ANO4: variants seen among roughly 807,000 people sequenced by gnomAD.
The protein encoded by ANO4 is anoctamin 4, also known as anoctamin-4.
ANO4 carries 69 observed loss-of-function variants against 141.9 expected under a neutral mutation model. That is an observed-to-expected ratio of 0.49 (90% CI 0.40 to 0.59). ANO4 has a LOEUF of 0.59. Among genes scored for constraint, ANO4 ranks in the 20% least tolerant of loss-of-function variants. The pLI is 0.00. For synonymous variants in ANO4, 350 were observed against 394.3 expected (o/e 0.89, Z 1.33); for missense variants, 894 against 1,162.2 (o/e 0.77, Z 3.36).
In ANO4 at chr12:101,127,967, C is replaced by CAGAT. The variant is rs1216435942; in HGVS notation, c.*113_*116dup. ...AAAAATGCAACCACAGTGCATGTTG[C>CAGAT]AGATACCGGCGGCCGCAGGAGGGGC... On this transcript the variant is annotated 3_prime_UTR_variant, in exon 28 of 28. Coordinates refer to ENST00000392977, the MANE Select transcript of ANO4 (RefSeq NM_001286615.2). 2 of 152,648 alleles carry CAGAT rather than the reference C, an allele frequency of 1.3e-5. No homozygotes were observed. Among genetic ancestry groups the CAGAT allele is most frequent in the East Asian group, 3.8e-4 (2 of 5,198 alleles). 9.5% of individuals were successfully genotyped at this position (152,648 alleles called of 1,614,324 possible). A position where few individuals can be genotyped will look rare whatever the true frequency, so the allele number is the denominator to read the frequency against.
Position 101,072,733 on chromosome 12 carries a change from C to A in ANO4, c.1313-6460C>A, listed in dbSNP as rs1374129796. On this transcript the variant is annotated intron_variant, in intron 14 of 27. Coordinates refer to ENST00000392977, the MANE Select transcript of ANO4 (RefSeq NM_001286615.2). The stretch of plus-strand genomic sequence containing the variant: ...ATCCAGAATCTACAAAGAATTTAAA[C>A]AAACTTACAAGGGAAAAAAAAACAT... Among the ~76,000 whole-genome samples the A allele has an allele frequency of 3.3e-5, 5 of 151,434 alleles. No homozygotes were observed. The East Asian group carries it at 5.8e-4, about 18-fold the overall frequency.
At chr12:100,977,629 TA>T (rs1286723349) in intron 7 of ANO4, among the ~76,000 whole-genome samples, 1 of 152,166 alleles carries the variant, frequency 6.6e-6, no homozygotes, top group African/African-American at 2.4e-5. Flanking sequence ...AAAGTCTATA[TA>T]TTACTCTTCA....
At chr12:100,906,606 AT>A in intron 2 of ANO4, among the ~76,000 whole-genome samples, 1 of 152,218 alleles carries the variant, frequency 6.6e-6, no homozygotes, top group Non-Finnish European at 1.5e-5. Flanking sequence ...AGAGGCCAAG[AT>A]GTGAAAATGA....
At chr12:100,791,882 T>G (rs892584050), upstream of ANO4, among the ~76,000 whole-genome samples, 1 of 152,222 alleles carries the variant, frequency 6.6e-6, no homozygotes, top group African/African-American at 2.4e-5. Context: ...CTCTGGCACA[T>G]GGTGGGGTTT....
chr12:100,937,715 G>A (rs780630568), intron 3 of ANO4, among the ~76,000 whole-genome samples: 5 of 152,132 alleles, frequency 3.3e-5, no homozygotes, highest in Admixed American at 6.5e-5. Flanking sequence ...GAGGTCAGAA[G>A]TCCCAAAATC....
rs75109334 is a variant in ANO4, at chr12:101,089,588, A to G, written c.1701+2764A>G. Among the ~76,000 whole-genome samples the G allele has an allele frequency of 8.9e-3, 1,358 of 152,332 alleles. 20 individuals carry two copies. Among genetic ancestry groups the G allele is most frequent in the African/African-American group, 0.031 (1,275 of 41,574 alleles). ...ATGTTTTGCATCCCATTAGGATGCAATGAATTAATGCCTACTATATTGTTA... is the reference window on the plus strand; with the variant it reads ...ATGTTTTGCATCCCATTAGGATGCAGTGAATTAATGCCTACTATATTGTTA... On this transcript the variant is annotated intron_variant, in intron 17 of 27. Transcript: ENST00000392977.
intron 13 of ANO4, 103 bp downstream of exon 13, chr12:101,043,738 AGT>A (rs2047509549): frequency 1.2e-6 from 1 of 828,590 alleles, no homozygotes; most frequent in African/African-American, 1.7e-5. Context: ...TTGATTTTCA[AGT>A]GAATGTTGTA....
chr12:100,980,039 C>T (rs1220724864), intron 7 of ANO4, among the ~76,000 whole-genome samples: 4 of 152,054 alleles, frequency 2.6e-5, no homozygotes, highest in Admixed American at 1.3e-4. Flanking sequence ...CACGCCCGGC[C>T]GAGAAATCCT....
chr12:100,813,931 G>A (rs1387983409), intron 1 of ANO4, among the ~76,000 whole-genome samples: 2 of 152,232 alleles, frequency 1.3e-5, no homozygotes. Flanking sequence ...TTTGGGCCAT[G>A]CGTGAGCAAA....
chr12:100,987,312 C>G (rs533159463), intron 7 of ANO4: 1 of 510,006 alleles, frequency 2.0e-6, no homozygotes, highest in African/African-American at 1.9e-5. Context: ...TAACTCACAG[C>G]TGCTATTTCA....
chr12:101,109,615 TAA>T (rs2050585733), intron 22 of ANO4, among the ~76,000 whole-genome samples: 2 of 152,152 alleles, frequency 1.3e-5, no homozygotes, highest in Non-Finnish European at 2.9e-5. Flanking sequence ...GTTCCTCTGC[TAA>T]AAAGTTTCTG....
chr12:101,116,230 A>T (rs747891081), intron 24 of ANO4, among the ~76,000 whole-genome samples: 2 of 152,208 alleles, frequency 1.3e-5, no homozygotes, highest in African/African-American at 2.4e-5. Flanking sequence ...ATAGTCTAAC[A>T]GGACTGTAGC....
At chr12:101,082,314 C>A (rs954306398) in intron 15 of ANO4, among the ~76,000 whole-genome samples, 1 of 152,202 alleles carries the variant, frequency 6.6e-6, no homozygotes, top group Non-Finnish European at 1.5e-5. Context: ...GACTGTGAGG[C>A]CTCCCCAGCC....
At chr12:101,049,931 A>C (rs1191707523) in intron 14 of ANO4, among the ~76,000 whole-genome samples, 1 of 152,182 alleles carries the variant, frequency 6.6e-6, no homozygotes, top group African/African-American at 2.4e-5. Context: ...TGGTAGGGCC[A>C]CCCAGATTCT....
At chr12:101,007,485 G>A (rs2045921116) in intron 8 of ANO4, among the ~76,000 whole-genome samples, 1 of 152,132 alleles carries the variant, frequency 6.6e-6, no homozygotes. Flanking sequence ...CTCTGAAGTG[G>A]GTGTTATGGT....
Position 101,081,947 on chromosome 12 carries a change from TA to T in ANO4, c.1396-1723del, listed in dbSNP as rs200242605. 9.5e-4 allele frequency among the ~76,000 whole-genome samples: 145 copies of T among 152,094 alleles called. 2 individuals are homozygous for T. The East Asian group carries it at 0.02, about 20-fold the overall frequency. ...CCTCATTTGAACTTAATTACCACTATAAAAAAAACCTGTTTCCACATATGGT... is the reference window on the plus strand; with the variant it reads ...CCTCATTTGAACTTAATTACCACTATAAAAAAACCTGTTTCCACATATGGT... On this transcript the variant is annotated intron_variant, in intron 15 of 27. Coordinates refer to ENST00000392977, the MANE Select transcript of ANO4 (RefSeq NM_001286615.2).
intron 5 of ANO4, among the ~76,000 whole-genome samples, chr12:100,969,155 C>T (rs561218255): frequency 2.6e-5 from 4 of 152,306 alleles, no homozygotes; most frequent in East Asian, 1.9e-4. Context: ...CCAGGTCTAA[C>T]GGCCCACATT....
chr12:101,033,888 A>G (rs2047087441), intron 9 of ANO4, among the ~76,000 whole-genome samples: 2 of 152,212 alleles, frequency 1.3e-5, no homozygotes, highest in South Asian at 4.1e-4. Flanking sequence ...ATATGAAGAA[A>G]GCTCAACATC....
intron 3 of ANO4, among the ~76,000 whole-genome samples, chr12:100,931,583 T>C (rs1434200776): frequency 1.3e-5 from 2 of 152,182 alleles, no homozygotes; most frequent in Non-Finnish European, 2.9e-5. Context: ...TCTCATAGGT[T>C]GTTTTGAGAA....
Sources: allele counts gnomAD v4.1 joint callset (sites outside exome capture counted in the v4.1 genomes callset), GRCh38; gene constraint gnomAD v4.1.1; transcripts MANE v1.5; gene names NCBI Gene and HGNC (gene_info 2026-07-23, HGNC 2026-07-21).